The following NRXN3 variants were observed in gnomAD, a reference collection of about 807,000 sequenced individuals.
The protein encoded by NRXN3 is neurexin 3.
NRXN3 carries 32 observed loss-of-function variants against 137.6 expected under a neutral mutation model. That is an observed-to-expected ratio of 0.23 (90% CI 0.18 to 0.31). The LOEUF (loss-of-function observed/expected upper bound fraction) is 0.31, where lower values mean the gene tolerates loss of function less well. Among genes scored for constraint, NRXN3 ranks in the 10% least tolerant of loss-of-function variants. NRXN3 has a pLI of 1.00. For synonymous variants in NRXN3, 798 were observed against 784.5 expected, an observed-to-expected ratio of 1.02 and a Z score of -0.29; for missense variants, 1,574 against 2,062.5, an observed-to-expected ratio of 0.76 and a Z score of 4.59.
chr14:79,326,510 C>T (rs1566808450), intron 15 of NRXN3, among the ~76,000 whole-genome samples: 2 of 152,144 alleles, frequency 1.3e-5, no homozygotes, highest in East Asian at 3.9e-4. Flanking sequence ...CATTCTATCT[C>T]CCATCTTGTA....
chr14:78,291,366 A>T (rs756135834), intron 3 of NRXN3, among the ~76,000 whole-genome samples: 2 of 152,226 alleles, frequency 1.3e-5, no homozygotes, highest in East Asian at 1.9e-4. Context: ...ATAAACAACC[A>T]GCAGATATTA....
chr14:79,401,682 A>T (rs2095199587), intron 15 of NRXN3, among the ~76,000 whole-genome samples: 1 of 152,088 alleles, frequency 6.6e-6, no homozygotes, highest in Non-Finnish European at 1.5e-5. Flanking sequence ...TTGCTCTTTC[A>T]GCTTTATCCA....
At chr14:78,573,112 C>CCCCG (rs1290046223) in intron 4 of NRXN3, among the ~76,000 whole-genome samples, 1 of 152,144 alleles carries the variant, frequency 6.6e-6, no homozygotes, top group Non-Finnish European at 1.5e-5. Flanking sequence ...TATCCTACTG[C>CCCCG]CCCGTGAAGA....
At chr14:79,764,808 C>T (rs1466639937) in intron 19 of NRXN3, among the ~76,000 whole-genome samples, 1 of 152,120 alleles carries the variant, frequency 6.6e-6, no homozygotes, top group Non-Finnish European at 1.5e-5. Context: ...ACATGCAAAA[C>T]CATTCACCTA....
At chr14:79,146,210 C>T (rs185802448) in intron 15 of NRXN3, among the ~76,000 whole-genome samples, 1 of 152,138 alleles carries the variant, frequency 6.6e-6, no homozygotes, top group African/African-American at 2.4e-5. Flanking sequence ...CATGTTGTCT[C>T]ACAGTGAATA....
Position 78,714,963 on chromosome 14 carries a change from T to C in NRXN3, c.1868T>C (p.Ile623Thr). 1 of 1,614,160 alleles carries C rather than the reference T, an allele frequency of 6.2e-7. No individual in the cohort carries two copies. Among genetic ancestry groups the C allele is most frequent in the Non-Finnish European group, 8.5e-7 (1 of 1,180,020 alleles). The change falls in exon 8 of 21, where the codon ATT (isoleucine) becomes ACT (threonine). Residue 623 changes from isoleucine to threonine, a missense_variant. Ile to Thr is a moderately conservative substitution (Grantham distance 89). Transcript: ENST00000335750. ...DLFIDGRSKNIRQLAEMQNAA... is the reference protein window; with the variant it reads ...DLFIDGRSKNTRQLAEMQNAA... Reference sequence around the variant, plus strand: ...TTCATTGATGGGCGCAGCAAGAACATTCGACAGCTGGCAGAGATGCAGAAT... The same window carrying C: ...TTCATTGATGGGCGCAGCAAGAACACTCGACAGCTGGCAGAGATGCAGAAT...
At chr14:78,583,814 A>G (rs2097030201) in intron 4 of NRXN3, among the ~76,000 whole-genome samples, 2 of 152,020 alleles carry the variant, frequency 1.3e-5, no homozygotes, top group Non-Finnish European at 1.5e-5. Context: ...CTAGGACAGT[A>G]TTTTCTGTGC....
intron 10 of NRXN3, among the ~76,000 whole-genome samples, chr14:78,943,617 AAAAAATATATATATATATATAT>A (rs1393664724): frequency 1.5e-4 from 6 of 40,530 alleles, no homozygotes; most frequent in East Asian, 1.7e-3. Context: ...TGTTAAAAAA[AAAAAATATATATATATATATAT>A]ATATATATAT....
intron 15 of NRXN3, among the ~76,000 whole-genome samples, chr14:79,244,138 C>G (rs2074795438): frequency 6.6e-6 from 1 of 152,068 alleles, no homozygotes; most frequent in Non-Finnish European, 1.5e-5. Flanking sequence ...TTGATATTGA[C>G]TGGTCAGTCC....
At chr14:78,496,383 A>G (rs566961077) in intron 4 of NRXN3, among the ~76,000 whole-genome samples, 46 of 152,310 alleles carry the variant, frequency 3.0e-4, no homozygotes, top group African/African-American at 1.1e-3. Context: ...TTTGGATGTA[A>G]AATATTTTCT....
rs1315203806 is a variant in NRXN3 at position 78,943,614 on chromosome 14, AAAAAAAAATATATATATAT to A, written c.2276-13626_2276-13608del. On this transcript the variant is annotated intron_variant, in intron 10 of 20. Transcript: ENST00000335750. Reference sequence around the variant, plus strand: ...GAAAAGAAGCAAGATCACTGTTAAAAAAAAAAAATATATATATATATATATATATATATATATATATATA... The same window carrying A: ...GAAAAGAAGCAAGATCACTGTTAAAAATATATATATATATATATATATATA... 1.6e-3 allele frequency among the ~76,000 whole-genome samples: 69 copies of A among 44,150 alleles called. 3 individuals are homozygous for A. The highest frequency in any genetic ancestry group is 2.5e-3 in the Non-Finnish European group (58 of 23,424). The allele number at this position is 44,150 out of a possible 152,430, so 29.0% of individuals were successfully genotyped here. A position where few individuals can be genotyped will look rare whatever the true frequency, so the allele number is the denominator to read the frequency against.
chr14:78,940,221 A>G (rs2099350399), intron 10 of NRXN3, among the ~76,000 whole-genome samples: 1 of 152,212 alleles, frequency 6.6e-6, no homozygotes, highest in Non-Finnish European at 1.5e-5. Context: ...AGTTTTTAAA[A>G]TCTCTTGTCT....
At chr14:78,728,468 C>T (rs1396266713) in intron 8 of NRXN3, among the ~76,000 whole-genome samples, 2 of 152,090 alleles carry the variant, frequency 1.3e-5, no homozygotes, top group African/African-American at 4.8e-5. Context: ...GTAGTGAGGC[C>T]ATGAAAGCCA....
intron 19 of NRXN3, among the ~76,000 whole-genome samples, chr14:79,774,393 C>T (rs1185850108): frequency 1.3e-5 from 2 of 152,174 alleles, no homozygotes; most frequent in Non-Finnish European, 2.9e-5. Flanking sequence ...ACCTTGCTTA[C>T]CCGAAAGCAA....
At chr14:78,636,804 G>A (rs985994421) in intron 4 of NRXN3, among the ~76,000 whole-genome samples, 2 of 151,952 alleles carry the variant, frequency 1.3e-5, no homozygotes, top group Admixed American at 6.6e-5. Flanking sequence ...AGTACAATTG[G>A]CCCAGGTTGT....
Position 78,302,948 on chromosome 14 carries a change from C to T in NRXN3, c.757+5088C>T, listed in dbSNP as rs114798933. 2.3e-3 allele frequency among the ~76,000 whole-genome samples: 346 copies of T among 152,284 alleles called. 1 individual carries two copies. The highest frequency in any genetic ancestry group is 8.0e-3 in the African/African-American group (333 of 41,552). On this transcript the variant is annotated intron_variant, in intron 4 of 20. Transcript: ENST00000335750. ...GCCCTCTCCTAATTGGTCTTTCTGCCTCTGTTCTCTTCTAGTCTATCCAGT... is the reference window on the plus strand; with the variant it reads ...GCCCTCTCCTAATTGGTCTTTCTGCTTCTGTTCTCTTCTAGTCTATCCAGT...
rs114869871 is a variant in NRXN3, at chr14:79,536,512, G to A, written c.3444+69110G>A. Among the ~76,000 whole-genome samples, 637 of 150,150 alleles carry A rather than the reference G, an allele frequency of 4.2e-3. 2 individuals are homozygous for A. The highest frequency in any genetic ancestry group is 0.015 in the African/African-American group (601 of 40,756). ...TGTGCAGGATGTGAAGGTTTATTTC[G>A]TAGGTAAATGCATTCCATGGTGGTT... On this transcript the variant is annotated intron_variant, in intron 16 of 20. Transcript: ENST00000335750.
At chr14:79,274,952 T>C (rs927134713) in intron 15 of NRXN3, among the ~76,000 whole-genome samples, 1 of 152,240 alleles carries the variant, frequency 6.6e-6, no homozygotes, top group African/African-American at 2.4e-5. Flanking sequence ...ATTGTCTTTT[T>C]TTAAGCAAAT....
rs149676070 is a variant in NRXN3 at position 79,510,177 on chromosome 14, T to A, written c.3444+42775T>A. Among the ~76,000 whole-genome samples, 735 of 152,288 alleles carry A rather than the reference T, an allele frequency of 4.8e-3. 6 individuals carry two copies. Among genetic ancestry groups the A allele is most frequent in the Middle Eastern group, 0.027 (8 of 294 alleles). On this transcript the variant is annotated intron_variant, in intron 16 of 20. Transcript: ENST00000335750. ...AGGCTTTAGTCTAAGAGAATCAAAG[T>A]TAAGTGATAGCACTGTCAAAAAGGT...
Sources: allele counts gnomAD v4.1 joint callset (sites outside exome capture counted in the v4.1 genomes callset), GRCh38; gene constraint gnomAD v4.1.1; transcripts MANE v1.5; gene names NCBI Gene and HGNC (gene_info 2026-07-23, HGNC 2026-07-21).